Variants in SLC8A1 observed in about 807,000 individuals in gnomAD.
The protein encoded by SLC8A1 is sodium/calcium exchanger 1.
Under a neutral mutation model 68.3 loss-of-function variants are expected in SLC8A1, and 18 were observed. The ratio of observed to expected loss-of-function variants is 0.26; its 90% confidence interval spans 0.18 to 0.39. The LOEUF (loss-of-function observed/expected upper bound fraction) is 0.39, where lower values mean the gene tolerates loss of function less well. Ranked by LOEUF, SLC8A1 falls within the 10% of genes least tolerant of loss-of-function variation. The pLI, the probability that SLC8A1 is intolerant of heterozygous loss-of-function variation, is 1.00. For synonymous variants in SLC8A1, 475 were observed against 415.5 expected (o/e 1.14, Z -1.74); for missense variants, 985 against 1,156.7 (o/e 0.85, Z 2.15).
intron 2 of SLC8A1, among the ~76,000 whole-genome samples, chr2:40,218,754 T>G (rs1026521490): frequency 7.3e-5 from 11 of 150,062 alleles, no homozygotes; most frequent in African/African-American, 2.2e-4. Flanking sequence ...TTAACATCCT[T>G]GCTTGCAGAG....
At chr2:40,099,331 G>T (rs2033760611) in exon 8 of SLC8A1, 1 of 151,950 alleles carries the variant, frequency 6.6e-6, no homozygotes, top group African/African-American at 2.4e-5. Context: ...GGCAAGTCGT[G>T]GAGATTACAT....
intron 2 of SLC8A1, among the ~76,000 whole-genome samples, chr2:40,333,703 G>T (rs1175635584): frequency 6.6e-6 from 1 of 151,972 alleles, no homozygotes; most frequent in Admixed American, 6.6e-5. Flanking sequence ...CATTATTGTA[G>T]CATACCATCA....
At chr2:40,355,655 G>T (rs1366114764) in intron 2 of SLC8A1, among the ~76,000 whole-genome samples, 2 of 152,052 alleles carry the variant, frequency 1.3e-5, no homozygotes, top group East Asian at 3.9e-4. Context: ...CTGAGGCCAG[G>T]TCACTAAGCC....
At chr2:40,122,048 T>C (rs2036957100) in intron 7 of SLC8A1, among the ~76,000 whole-genome samples, 1 of 152,162 alleles carries the variant, frequency 6.6e-6, no homozygotes, top group Non-Finnish European at 1.5e-5. Context: ...TCATCTGTCT[T>C]GCTCTTTTAG....
At chr2:40,150,374 G>T (rs2043195661) in intron 6 of SLC8A1, among the ~76,000 whole-genome samples, 1 of 152,202 alleles carries the variant, frequency 6.6e-6, no homozygotes, top group Non-Finnish European at 1.5e-5. Context: ...GTGTGGTGGA[G>T]GGTGGCTATG....
chr2:40,171,634 G>C (rs2047510517), intron 4 of SLC8A1, among the ~76,000 whole-genome samples: 1 of 152,184 alleles, frequency 6.6e-6, no homozygotes. Context: ...AGAGGAAACA[G>C]GACAGTGCTG....
chr2:40,303,981 G>A (rs1437618605), intron 2 of SLC8A1, among the ~76,000 whole-genome samples: 1 of 152,164 alleles, frequency 6.6e-6, no homozygotes, highest in African/African-American at 2.4e-5. Context: ...GGTTGTGACA[G>A]GCACCCGGAT....
intron 7 of SLC8A1, among the ~76,000 whole-genome samples, chr2:40,128,929 A>C (rs1014172513): frequency 2.0e-5 from 3 of 152,200 alleles, no homozygotes; most frequent in Non-Finnish European, 2.9e-5. Context: ...AAAAATAGAG[A>C]AAAGTCAAAC....
intron 7 of SLC8A1, chr2:40,118,218 T>G (rs1047508231): frequency 2.0e-5 from 3 of 152,202 alleles, no homozygotes; most frequent in Non-Finnish European, 4.4e-5. Context: ...TTAGCAAATG[T>G]GAATTTTTAA....
At chr2:40,122,706 T>G (rs555748718) in intron 7 of SLC8A1, among the ~76,000 whole-genome samples, 38 of 152,330 alleles carry the variant, frequency 2.5e-4, no homozygotes, top group Non-Finnish European at 5.1e-4. Flanking sequence ...AGCCCTGGTT[T>G]CTTTGTCCCT....
chr2:40,140,444 G>C (rs142834361), intron 6 of SLC8A1, among the ~76,000 whole-genome samples: 1 of 152,278 alleles, frequency 6.6e-6, no homozygotes, highest in East Asian at 1.9e-4. Context: ...CTCCTTCTCA[G>C]AGGAGCTTCC....
chr2:40,340,921 C>G (rs1211643688), intron 2 of SLC8A1, among the ~76,000 whole-genome samples: 2 of 152,168 alleles, frequency 1.3e-5, no homozygotes, highest in Non-Finnish European at 2.9e-5. Flanking sequence ...GCTTTGATTC[C>G]TACACAAATA....
chr2:40,118,127 A>T (rs774269784), intron 7 of SLC8A1, among the ~76,000 whole-genome samples: 2 of 152,236 alleles, frequency 1.3e-5, no homozygotes, highest in African/African-American at 4.8e-5. Context: ...TCTCACAAGC[A>T]TTATGGGCTA....
intron 2 of SLC8A1, among the ~76,000 whole-genome samples, chr2:40,331,229 T>C (rs973778713): frequency 2.0e-5 from 3 of 152,200 alleles, no homozygotes; most frequent in Non-Finnish European, 2.9e-5. Context: ...TAATACATTA[T>C]CAATAAATGT....
chr2:40,293,976 A>C (rs923910657), intron 2 of SLC8A1, among the ~76,000 whole-genome samples: 1 of 152,150 alleles, frequency 6.6e-6, no homozygotes, highest in Admixed American at 6.6e-5. Flanking sequence ...TGGAGTATAG[A>C]AAGTGTTGGG....
At chr2:40,372,390 G>C (rs1431236729) in intron 2 of SLC8A1, among the ~76,000 whole-genome samples, 1 of 152,024 alleles carries the variant, frequency 6.6e-6, no homozygotes, top group Non-Finnish European at 1.5e-5. Flanking sequence ...CTTTACACAA[G>C]TACACGTGAC....
chr2:40,161,788 C>T (rs796316320), intron 5 of SLC8A1, among the ~76,000 whole-genome samples: 13 of 152,140 alleles, frequency 8.5e-5, no homozygotes, highest in Non-Finnish European at 4.4e-5. Flanking sequence ...GACTAGTCTA[C>T]GAAACATCCA....
chr2:40,322,794 T>C (rs1381681428), intron 2 of SLC8A1, among the ~76,000 whole-genome samples: 5 of 151,508 alleles, frequency 3.3e-5, no homozygotes, highest in African/African-American at 4.8e-5. Context: ...ATGCCACTTA[T>C]ATAGTGCCTA....
At chr2:40,164,760 C>G in intron 5 of SLC8A1, 94 bp downstream of exon 8, 1 of 1,493,108 alleles carries the variant, frequency 6.7e-7, no homozygotes, top group East Asian at 2.3e-5. Flanking sequence ...ATCTACTACT[C>G]TTTCCAGGTG....
Sources: allele counts gnomAD v4.1 joint callset (sites outside exome capture counted in the v4.1 genomes callset), GRCh38; gene constraint gnomAD v4.1.1; transcripts MANE v1.5; gene names NCBI Gene and HGNC (gene_info 2026-07-23, HGNC 2026-07-21).